Variants in STXBP5L observed in about 807,000 individuals in gnomAD.
STXBP5L encodes the protein syntaxin-binding protein 5-like.
A neutral mutation model predicts 144.5 loss-of-function variants in STXBP5L; 65 were observed. The observed-to-expected ratio is 0.45, with a 90% CI of 0.37 to 0.55. The LOEUF is 0.55. Among genes scored for constraint, STXBP5L ranks in the 20% least tolerant of loss-of-function variants. STXBP5L has a pLI of 0.00. For missense variants in STXBP5L, 1,298 were observed against 1,405.5 expected, an observed-to-expected ratio of 0.92 and a Z score of 1.22; for synonymous variants, 505 against 469.6, an observed-to-expected ratio of 1.08 and a Z score of -0.97.
chr3:121,117,265 A>G (rs2044272740), intron 6 of STXBP5L, among the ~76,000 whole-genome samples: 2 of 151,906 alleles, frequency 1.3e-5, no homozygotes. Context: ...CTACTATTTT[A>G]TATATAAACC....
intron 10 of STXBP5L, among the ~76,000 whole-genome samples, chr3:121,213,750 C>T (rs2048671223): frequency 6.6e-6 from 1 of 152,170 alleles, no homozygotes; most frequent in Admixed American, 6.5e-5. Flanking sequence ...GGAGGAGTCT[C>T]TCTTTTTCTA....
Position 121,140,994 on chromosome 3 carries a change from G to A in STXBP5L, c.670-11483G>A, listed in dbSNP as rs561529536. Among the ~76,000 whole-genome samples, 6 of 152,140 alleles carry A rather than the reference G, an allele frequency of 3.9e-5. No homozygotes were observed. The South Asian group carries it at 1.2e-3, about 32-fold the overall frequency. ...TATATTTCAAAATACTGTGTTATAT[G>A]TGATAAAAACATACAATGTTATCTG... is the stretch of plus-strand genomic sequence containing the variant. On this transcript the variant is annotated intron_variant, in intron 7 of 26. Coordinates refer to ENST00000471454, the MANE Select transcript of STXBP5L (RefSeq NM_001308330.2).
chr3:120,979,127 TTGTC>T (rs765825081), intron 3 of STXBP5L, among the ~76,000 whole-genome samples: 53 of 152,332 alleles, frequency 3.5e-4, no homozygotes, highest in African/African-American at 9.1e-4. Flanking sequence ...GTCTTTTTGT[TTGTC>T]TGTGCCTTGC....
intron 2 of STXBP5L, among the ~76,000 whole-genome samples, chr3:120,935,859 G>A (rs1020226201): frequency 1.4e-4 from 21 of 151,582 alleles, no homozygotes; most frequent in Non-Finnish European, 1.0e-4. Flanking sequence ...ATTTTTTGGT[G>A]TTTATCCTAT....
At chr3:121,040,862 A>G (rs1295497340) in intron 3 of STXBP5L, among the ~76,000 whole-genome samples, 3 of 152,242 alleles carry the variant, frequency 2.0e-5, no homozygotes, top group African/African-American at 7.2e-5. Context: ...AATTTGTTAC[A>G]TACATTTTGT....
chr3:120,990,525 G>A (rs1395631743), intron 3 of STXBP5L, among the ~76,000 whole-genome samples: 1 of 152,096 alleles, frequency 6.6e-6, no homozygotes, highest in African/African-American at 2.4e-5. Flanking sequence ...AAACAACAAA[G>A]CTGGAGGCAT....
At chr3:121,060,150 G>A (rs1303816115) in intron 5 of STXBP5L, among the ~76,000 whole-genome samples, 1 of 151,980 alleles carries the variant, frequency 6.6e-6, no homozygotes, top group African/African-American at 2.4e-5. Context: ...CGTTCCATCA[G>A]TACCTAGTTT....
intron 3 of STXBP5L, among the ~76,000 whole-genome samples, chr3:121,030,940 A>G (rs983936492): frequency 1.3e-5 from 2 of 152,176 alleles, no homozygotes; most frequent in African/African-American, 4.8e-5. Context: ...TGGAAAAATG[A>G]GTTCAAGACA....
intron 3 of STXBP5L, among the ~76,000 whole-genome samples, chr3:120,957,183 T>C (rs547992752): frequency 1.7e-4 from 26 of 152,092 alleles, no homozygotes; most frequent in African/African-American, 6.3e-4. Flanking sequence ...GATCTATAGG[T>C]ATGTTTCTAT....
At chr3:120,925,457 C>A (rs1709574571) in intron 2 of STXBP5L, among the ~76,000 whole-genome samples, 1 of 152,096 alleles carries the variant, frequency 6.6e-6, no homozygotes. Flanking sequence ...TAGTGTATTT[C>A]ATCTGATCTA....
At chr3:121,061,850 G>A (rs1409729220) in intron 5 of STXBP5L, among the ~76,000 whole-genome samples, 1 of 152,046 alleles carries the variant, frequency 6.6e-6, no homozygotes, top group Admixed American at 6.5e-5. Flanking sequence ...TTTATTTTGA[G>A]CCTATGTGTG....
At chr3:121,207,381 A>G (rs1313676063) in intron 10 of STXBP5L, among the ~76,000 whole-genome samples, 3 of 152,228 alleles carry the variant, frequency 2.0e-5, no homozygotes, top group Admixed American at 2.0e-4. Flanking sequence ...TAAAAACCCT[A>G]GAAGAAAACC....
chr3:121,064,218 A>C (rs761420607), intron 5 of STXBP5L, among the ~76,000 whole-genome samples: 11 of 152,128 alleles, frequency 7.2e-5, no homozygotes, highest in Non-Finnish European at 1.5e-4. Flanking sequence ...TCCCTTGGCT[A>C]AGGTAGGGAG....
intron 2 of STXBP5L, among the ~76,000 whole-genome samples, chr3:120,910,373 G>C (rs997267429): frequency 2.0e-5 from 3 of 152,148 alleles, no homozygotes; most frequent in African/African-American, 4.8e-5. Flanking sequence ...CTTTGATATT[G>C]AACTTCTAAT....
At chr3:121,007,302 CTG>C (rs1340030943) in intron 3 of STXBP5L, among the ~76,000 whole-genome samples, 1 of 151,866 alleles carries the variant, frequency 6.6e-6, no homozygotes, top group African/African-American at 2.4e-5. Flanking sequence ...ATTTTGTTGA[CTG>C]TTTTTCTTGT....
chr3:121,213,671 T>A (rs1368047896), intron 10 of STXBP5L, among the ~76,000 whole-genome samples: 2 of 40,360 alleles, frequency 5.0e-5, no homozygotes, highest in Non-Finnish European at 1.3e-4. Context: ...GCCTGAAATT[T>A]TGTTGTTGTT....
At chr3:120,952,059 A>T (rs541410157) in intron 2 of STXBP5L, among the ~76,000 whole-genome samples, 1 of 151,698 alleles carries the variant, frequency 6.6e-6, no homozygotes, top group East Asian at 1.9e-4. Flanking sequence ...GCAAGAACAA[A>T]AAACCAAACA....
chr3:121,348,172 G>T (rs1430890210), intron 20 of STXBP5L, among the ~76,000 whole-genome samples: 2 of 152,122 alleles, frequency 1.3e-5, no homozygotes, highest in African/African-American at 2.4e-5. Context: ...ATGGTGTGTT[G>T]TTGAATTTTG....
chr3:121,122,360 C>A (rs929506437), intron 7 of STXBP5L, among the ~76,000 whole-genome samples: 1 of 151,088 alleles, frequency 6.6e-6, no homozygotes, highest in African/African-American at 2.4e-5. Flanking sequence ...TGGATCCCTT[C>A]AAATTGATCC....
Sources: gnomAD v4.1 joint callset for allele counts (sites outside exome capture counted in the v4.1 genomes callset) on GRCh38, gnomAD v4.1.1 for gene constraint, MANE v1.5 for transcripts, NCBI Gene and HGNC (gene_info 2026-07-23, HGNC 2026-07-21) for gene names.